UNC13A: variants seen among roughly 807,000 people sequenced by gnomAD.
UNC13A encodes the protein protein unc-13 homolog A.
A neutral mutation model predicts 219.7 loss-of-function variants in UNC13A; 61 were observed. The ratio of observed to expected loss-of-function variants is 0.28; its 90% confidence interval spans 0.23 to 0.34. The LOEUF (loss-of-function observed/expected upper bound fraction) is 0.34. Ranked by LOEUF, UNC13A falls within the 10% of genes least tolerant of loss-of-function variation. The pLI, the probability that UNC13A is intolerant of heterozygous loss-of-function variation, is 1.00. For synonymous variants in UNC13A, 920 were observed against 884.6 expected (o/e 1.04, Z -0.71); for missense variants, 1,476 against 2,270.3 (o/e 0.65, Z 7.11).
rs2076828149 is a variant in UNC13A at position 17,630,217 on chromosome 19, G to A, written c.3597C>T (p.Ser1199=). The change falls in exon 30 of 44, where the codon AGC becomes AGT. Residue 1199 remains serine, a synonymous_variant. Transcript: ENST00000519716. Reference sequence around the variant, plus strand: ...ACTCGAGTTTCTTGATGATTTCAAAGCTCTGGTTGAGTTGGGAGAAAACAT... The same window carrying A: ...ACTCGAGTTTCTTGATGATTTCAAAACTCTGGTTGAGTTGGGAGAAAACAT... ...VVDVFSQLNQ[S]FEIIKKLECP... is the part of the protein sequence containing the mutation. 1.3e-6 allele frequency: 2 copies of A among 1,554,032 alleles called. No individual in the cohort carries two copies. Among genetic ancestry groups the A allele is most frequent in the Non-Finnish European group, 1.7e-6 (2 of 1,148,276 alleles).
intron 36 of UNC13A, chr19:17,623,300 G>A: frequency 2.1e-6 from 1 of 477,898 alleles, no homozygotes; most frequent in Non-Finnish European, 3.7e-6. Context: ...TTTGGGAGTG[G>A]GTAGTGGGGC....
At chr19:17,659,143 T>C (rs1053565888) in intron 8 of UNC13A, among the ~76,000 whole-genome samples, 4 of 152,210 alleles carry the variant, frequency 2.6e-5, no homozygotes, top group African/African-American at 9.6e-5. Context: ...GTTATCTTTA[T>C]TTTAAAAGTA....
At chr19:17,664,081 G>A (rs2079599998) in intron 7 of UNC13A, among the ~76,000 whole-genome samples, 1 of 152,100 alleles carries the variant, frequency 6.6e-6, no homozygotes, top group East Asian at 1.9e-4. Flanking sequence ...GGGATTTACA[G>A]GCATGAGCCA....
intron 9 of UNC13A, 26 bp downstream of exon 9, chr19:17,658,036 T>G (rs777746465): frequency 6.2e-7 from 1 of 1,607,240 alleles, no homozygotes; most frequent in South Asian, 1.1e-5. Context: ...AGGACCCACA[T>G]GCATGCTGCA....
intron 26 of UNC13A, among the ~76,000 whole-genome samples, chr19:17,634,847 A>G (rs1599358007): frequency 6.6e-6 from 1 of 151,156 alleles, no homozygotes; most frequent in Non-Finnish European, 1.5e-5. Flanking sequence ...GACGTGTACC[A>G]CCACGCCCGG....
At chr19:17,625,745 C>G (rs1237242094) in intron 34 of UNC13A, among the ~76,000 whole-genome samples, 1 of 151,654 alleles carries the variant, frequency 6.6e-6, no homozygotes, top group Non-Finnish European at 1.5e-5. Context: ...TCTGTCCAAC[C>G]ATTTATGCAT....
At chr19:17,646,564 G>T (rs2077029355) in intron 17 of UNC13A, among the ~76,000 whole-genome samples, 1 of 152,014 alleles carries the variant, frequency 6.6e-6, no homozygotes, top group Non-Finnish European at 1.5e-5. Context: ...GGATGGGAAG[G>T]TGCCCCAGCT....
At chr19:17,657,128 TC>T (rs2079471686) in intron 9 of UNC13A, among the ~76,000 whole-genome samples, 1 of 151,954 alleles carries the variant, frequency 6.6e-6, no homozygotes, top group South Asian at 2.1e-4. Context: ...TCCAATCACC[TC>T]CCTCCCCTGC....
rs1024940134 is a variant in UNC13A, at chr19:17,623,560, A to G, written c.4198-13T>C. ...TACTTACGATCATCTGTCATCCGTG[A>G]TGGGGGCGGGGCGGTGGGGGAGGGG... is the stretch of plus-strand genomic sequence containing the variant. On this transcript the variant is annotated splice_polypyrimidine_tract_variant and intron_variant, in intron 35 of 43. Coordinates refer to ENST00000519716, the MANE Select transcript of UNC13A (RefSeq NM_001080421.3). 7 of 537,966 alleles carry G rather than the reference A, an allele frequency of 1.3e-5. No homozygotes were observed. The African/African-American group carries it at 1.4e-4, about 10-fold the overall frequency. The allele number at this position is 537,966 out of a possible 1,614,324, so 33.3% of individuals were successfully genotyped here.
intron 11 of UNC13A, among the ~76,000 whole-genome samples, chr19:17,653,219 T>G (rs1703487336): frequency 6.6e-6 from 1 of 152,016 alleles, no homozygotes. Context: ...AGGGTCTTGC[T>G]ATATTGCCCA....
At position 17,655,915 on chromosome 19, in the gene UNC13A, G is replaced by T. The variant is rs1222716328; in HGVS notation, c.1251C>A (p.Ile417=). The T allele has an allele frequency of 8.5e-6, 13 of 1,528,770 alleles. No individual in the cohort carries two copies. Among genetic ancestry groups the T allele is most frequent in the South Asian group, 1.3e-5 (1 of 76,648 alleles). 94.7% of individuals were successfully genotyped at this position (1,528,770 alleles called of 1,614,324 possible). The change falls in exon 10 of 44, where the codon ATC becomes ATA. Residue 417 remains isoleucine, a synonymous_variant. Transcript: ENST00000519716. ...CGTCCTTGGGTGGCTCAGCCTCAGG[G>T]ATCTGCTCAGCTGCAGGCACCTTGT... The part of the protein sequence containing the change: ...TPDKVPAAEQ[I]PEAEPPKDEE...
rs773631668 is a variant in UNC13A at position 17,609,981 on chromosome 19, C to G, written c.4770G>C (p.Lys1590Asn). The G allele has an allele frequency of 1.9e-6, 3 of 1,613,994 alleles. No homozygotes were observed. The South Asian group carries it at 3.3e-5, about 18-fold the overall frequency. Residue 1590 changes from lysine to asparagine, a missense_variant, in exon 43 of 44, where the codon AAG becomes AAC. By Grantham distance (94) the Lys-to-Asn change is moderately conservative. Transcript: ENST00000519716. ...TGTACTTGGGAGCCCAGCTATTGTT[C>G]TTGGATTTGGTCGCAAACTTGCGTT... is the stretch of plus-strand genomic sequence containing the variant. ...DKKRKFATKSKNNSWAPKYNE... is the reference protein window; with the variant it reads ...DKKRKFATKSNNNSWAPKYNE...
intron 8 of UNC13A, among the ~76,000 whole-genome samples, chr19:17,660,360 G>A (rs2079529945): frequency 6.6e-6 from 1 of 151,878 alleles, no homozygotes; most frequent in Non-Finnish European, 1.5e-5. Flanking sequence ...TTTTGCCCAG[G>A]CTCTGCTTTC....
chr19:17,656,370 A>C lies in UNC13A; in HGVS notation c.796T>G (p.Ser266Ala). The part of the protein sequence containing the change: ...SPTGSSRYAS[S>A]GELSQGSSQL... Reference sequence around the variant, plus strand: ...GAGCTTCCCTGGCTCAGCTCCCCGGAAGAGGCATAGCGGCTGCTACCCGTG... The same window carrying C: ...GAGCTTCCCTGGCTCAGCTCCCCGGCAGAGGCATAGCGGCTGCTACCCGTG... Residue 266 changes from serine to alanine, a missense_variant, in exon 10 of 44, where the codon TCC becomes GCC. By Grantham distance (99) the Ser-to-Ala change is moderately conservative (BLOSUM62 1). Coordinates refer to ENST00000519716, the MANE Select transcript of UNC13A (RefSeq NM_001080421.3). 2 of 1,550,876 alleles carry C rather than the reference A, an allele frequency of 1.3e-6. No individual in the cohort carries two copies. Among genetic ancestry groups the C allele is most frequent in the Non-Finnish European group, 1.7e-6 (2 of 1,149,492 alleles).
At chr19:17,663,456 G>C in intron 8 of UNC13A, 76 bp downstream of exon 8, 1 of 1,534,948 alleles carries the variant, frequency 6.5e-7, no homozygotes. Context: ...TGTGGTAGTG[G>C]GGAGGGGCCT....
Position 17,688,299 on chromosome 19 carries a change from C to A in UNC13A, c.-100G>T, listed in dbSNP as rs1225409651. On this transcript the variant is annotated 5_prime_UTR_variant, in exon 1 of 44. Transcript: ENST00000519716. ...GGGCATCTCCCGGCTGCAGCCCGCG[C>A]TTGGCTCACGCCGGGGCCCGGCCGC... 5 of 1,347,330 alleles carry A rather than the reference C, an allele frequency of 3.7e-6. No individual in the cohort carries two copies. The East Asian group carries it at 9.5e-5, about 26-fold the overall frequency. The allele number at this position is 1,347,330 out of a possible 1,614,324, so 83.5% of individuals were successfully genotyped here.
chr19:17,680,333 C>T (rs1376140829), intron 1 of UNC13A, among the ~76,000 whole-genome samples: 1 of 152,192 alleles, frequency 6.6e-6, no homozygotes, highest in Non-Finnish European at 1.5e-5. Context: ...GGCGGAAGCG[C>T]CACCCTTCCC....
At chr19:17,680,889 CTTTTT>C (rs375785182) in intron 1 of UNC13A, among the ~76,000 whole-genome samples, 54 of 48,688 alleles carry the variant, frequency 1.1e-3, no homozygotes, top group African/African-American at 3.1e-3. Flanking sequence ...CTTTTCTTTT[CTTTTT>C]TTTTTTTTTT....
chr19:17,631,113 A>G (rs865827024), intron 28 of UNC13A, among the ~76,000 whole-genome samples: 313 of 103,216 alleles, frequency 3.0e-3, no homozygotes, highest in African/African-American at 0.012. Flanking sequence ...CTTCAGATAA[A>G]CTGCCCATGG....
Sources: gnomAD v4.1 joint callset for allele counts (sites outside exome capture counted in the v4.1 genomes callset) on GRCh38, gnomAD v4.1.1 for gene constraint, MANE v1.5 for transcripts, NCBI Gene and HGNC (gene_info 2026-07-23, HGNC 2026-07-21) for gene names.